DMD: variants seen among roughly 807,000 people sequenced by gnomAD.
DMD encodes the protein mutant dystrophin.
Under a neutral mutation model 330.1 loss-of-function variants are expected in DMD, and 63 were observed. The observed-to-expected ratio is 0.19, with a 90% confidence interval of 0.16 to 0.24. The LOEUF is 0.24. Among genes scored for constraint, DMD ranks in the 10% least tolerant of loss-of-function variants. DMD has a pLI of 1.00. For synonymous variants in DMD, 1,223 were observed against 959.8 expected, an observed-to-expected ratio of 1.27 and a Z score of -5.07; for missense variants, 3,344 against 2,684.1, an observed-to-expected ratio of 1.25 and a Z score of -5.43.
At chrX:32,312,941 C>CAA (rs1171543953) in intron 41 of DMD, among the ~76,000 whole-genome samples, 9 of 19,171 alleles carry the variant, frequency 4.7e-4, no homozygotes, top group Admixed American at 9.9e-4. Context: ...AGCCTACGAA[C>CAA]CAAAAAAAAA....
In DMD at chrX:31,395,796, T is replaced by G. The variant is rs187233648; in HGVS notation, c.9085-47162A>C. ...TATTGGAGATAAATAAAACTCTATT[T>G]ATTTAAGCCACTGTAGATAGCTTCT... On this transcript the variant is annotated intron_variant, in intron 60 of 78. Transcript: ENST00000357033. Among the ~76,000 whole-genome samples, 5 of 108,842 alleles carry G rather than the reference T, an allele frequency of 4.6e-5. No homozygotes were observed. The East Asian group carries it at 1.4e-3, about 30-fold the overall frequency. 94.5% of individuals were successfully genotyped at this position (108,842 alleles called of 115,157 possible).
chrX:32,550,563 G>A (rs228385), intron 16 of DMD, among the ~76,000 whole-genome samples: 18,147 of 109,986 alleles, frequency 0.16, 1,372 homozygotes, highest in East Asian at 0.39. Flanking sequence ...ATTACAAAAC[G>A]AACATCACAA....
chrX:31,820,116 G>A (rs1340395626), intron 49 of DMD, 33 bp from the exon 50 acceptor site: 29 of 1,065,131 alleles, frequency 2.7e-5, no homozygotes, highest in Admixed American at 4.4e-5. Context: ...TTACTTATTC[G>A]ATTAACACTT....
intron 1 of DMD, among the ~76,000 whole-genome samples, chrX:33,317,263 A>T (rs953723738): frequency 9.0e-5 from 10 of 111,287 alleles, no homozygotes; most frequent in Middle Eastern, 4.7e-3. Flanking sequence ...TATATTGCTC[A>T]TTTGCCAGAA....
At chrX:31,224,052 G>C (rs1285573207) in intron 63 of DMD, among the ~76,000 whole-genome samples, 1 of 111,443 alleles carries the variant, frequency 9.0e-6, no homozygotes, top group Admixed American at 9.5e-5. Context: ...TCTTACTCAA[G>C]TCTGCACAAG....
At position 32,410,040 on chromosome X, in the gene DMD, T is replaced by G. The variant is rs781077682; in HGVS notation, c.4233+1712A>C. 9.8e-5 allele frequency among the ~76,000 whole-genome samples: 11 copies of G among 111,758 alleles called. No homozygotes were observed. The Admixed American group carries it at 1.1e-3, about 11-fold the overall frequency. On this transcript the variant is annotated intron_variant, in intron 30 of 78. Transcript: ENST00000357033. ...CATTATGACTCAAACTGGGACGGAC[T>G]TAGGAATAGTTAATTCTAGAGAACC...
At chrX:33,322,864 A>G (rs946241779) in intron 1 of DMD, among the ~76,000 whole-genome samples, 1 of 111,694 alleles carries the variant, frequency 9.0e-6, no homozygotes, top group Non-Finnish European at 1.9e-5. Context: ...TCAATGGCAA[A>G]ATGAGGCTTG....
chrX:32,241,411 A>C (rs16990183), intron 43 of DMD, among the ~76,000 whole-genome samples: 1,908 of 112,605 alleles, frequency 0.017, 42 homozygotes, highest in African/African-American at 0.057. Flanking sequence ...TAGGCCCATA[A>C]GTTTAGGCAA....
intron 13 of DMD, among the ~76,000 whole-genome samples, chrX:32,579,283 A>G (rs2053398869): frequency 8.9e-6 from 1 of 112,123 alleles, no homozygotes; most frequent in South Asian, 3.7e-4. Context: ...CAAAAGTATA[A>G]TTCTTACTTC....
intron 59 of DMD, among the ~76,000 whole-genome samples, chrX:31,467,938 C>T (rs2066978826): frequency 9.0e-6 from 1 of 111,703 alleles, no homozygotes; most frequent in Non-Finnish European, 1.9e-5. Flanking sequence ...TCTAGATTTT[C>T]TAGTTTATTT....
intron 44 of DMD, among the ~76,000 whole-genome samples, chrX:31,973,515 G>T (rs1603618673): frequency 9.0e-6 from 1 of 110,535 alleles, no homozygotes; most frequent in East Asian, 2.9e-4. Flanking sequence ...ACAACAGGGA[G>T]CATGGAAAGG....
intron 51 of DMD, among the ~76,000 whole-genome samples, chrX:31,773,311 T>C (rs2090450991): frequency 8.9e-6 from 1 of 112,338 alleles, no homozygotes; most frequent in Non-Finnish European, 1.9e-5. Flanking sequence ...CTAATGTTTC[T>C]AGTTGATGTC....
intron 60 of DMD, among the ~76,000 whole-genome samples, chrX:31,441,344 G>A (rs2064941872): frequency 9.0e-6 from 1 of 111,292 alleles, no homozygotes; most frequent in African/African-American, 3.3e-5. Context: ...TTACAGGCAC[G>A]CACCACCACA....
At chrX:33,240,688 G>A (rs2052573136) in intron 1 of DMD, among the ~76,000 whole-genome samples, 1 of 111,785 alleles carries the variant, frequency 8.9e-6, no homozygotes, top group Non-Finnish European at 1.9e-5. Context: ...CCAACGGTGT[G>A]CAAGGGTTCC....
intron 20 of DMD, among the ~76,000 whole-genome samples, chrX:32,490,952 G>C (rs772212119): frequency 1.4e-4 from 16 of 111,347 alleles, no homozygotes; most frequent in Non-Finnish European, 2.8e-4. Flanking sequence ...TGTTTCACTC[G>C]TCACAAAGAA....
intron 55 of DMD, among the ~76,000 whole-genome samples, chrX:31,600,391 C>T (rs1306706103): frequency 9.1e-6 from 1 of 110,226 alleles, no homozygotes; most frequent in Non-Finnish European, 1.9e-5. Flanking sequence ...GTTATACATT[C>T]AAAGAAGGAG....
intron 60 of DMD, among the ~76,000 whole-genome samples, chrX:31,429,627 C>T (rs1018473330): frequency 9.0e-6 from 1 of 111,699 alleles, no homozygotes; most frequent in Non-Finnish European, 1.9e-5. Flanking sequence ...AAGACTCCTT[C>T]TTATTTAGCT....
intron 1 of DMD, among the ~76,000 whole-genome samples, chrX:33,175,138 T>C (rs950658660): frequency 8.9e-5 from 10 of 112,040 alleles, no homozygotes; most frequent in African/African-American, 3.2e-4. Flanking sequence ...GATTCCCTCT[T>C]GGGTTATCAG....
intron 54 of DMD, among the ~76,000 whole-genome samples, chrX:31,642,652 T>C (rs928477579): frequency 8.9e-5 from 10 of 111,827 alleles, no homozygotes; most frequent in Non-Finnish European, 1.9e-4. Context: ...ATCATTTTTT[T>C]TTTAGTGAGT....
Sources: allele counts gnomAD v4.1 joint callset (sites outside exome capture counted in the v4.1 genomes callset), GRCh38; gene constraint gnomAD v4.1.1; transcripts MANE v1.5; gene names NCBI Gene and HGNC (gene_info 2026-07-23, HGNC 2026-07-21).